The following NTRK3 variants were observed in gnomAD, a reference collection of about 807,000 sequenced individuals.
NTRK3 encodes the protein neurotrophic receptor tyrosine kinase 3.
Under a neutral mutation model 91.7 loss-of-function variants are expected in NTRK3, and 24 were observed. The ratio of observed to expected loss-of-function variants is 0.26; its 90% CI spans 0.19 to 0.37. NTRK3 has a LOEUF of 0.37. Among genes scored for constraint, NTRK3 ranks in the 10% least tolerant of loss-of-function variants. NTRK3 has a pLI of 1.00. For missense variants in NTRK3, 880 were observed against 1,068.9 expected, an observed-to-expected ratio of 0.82 and a Z score of 2.46; for synonymous variants, 483 against 404.0, an observed-to-expected ratio of 1.20 and a Z score of -2.34.
intron 3 of NTRK3, among the ~76,000 whole-genome samples, chr15:88,254,157 C>T (rs930342637): frequency 3.3e-5 from 5 of 152,170 alleles, no homozygotes; most frequent in Non-Finnish European, 7.4e-5. Flanking sequence ...AGCACCAAGA[C>T]TGGCTGCTCA....
intron 13 of NTRK3, among the ~76,000 whole-genome samples, chr15:88,078,604 C>T (rs1472457611): frequency 4.6e-5 from 7 of 152,148 alleles, no homozygotes; most frequent in Admixed American, 3.3e-4. Flanking sequence ...GAGCCAAGAT[C>T]GCACCATTGC....
chr15:87,870,181 TAC>T (rs58874538), exon 19 of NTRK3: 24,483 of 165,994 alleles, frequency 0.15, 854 homozygotes, highest in East Asian at 0.23. Flanking sequence ...GAAACTGTGG[TAC>T]ACACACACAC....
At chr15:88,013,238 G>T (rs1295842304) in intron 14 of NTRK3, among the ~76,000 whole-genome samples, 1 of 152,170 alleles carries the variant, frequency 6.6e-6, no homozygotes, top group Non-Finnish European at 1.5e-5. Context: ...AGGTGAAACC[G>T]TGCACTGGTA....
At chr15:88,032,630 G>A (rs923566774) in intron 14 of NTRK3, among the ~76,000 whole-genome samples, 1 of 152,118 alleles carries the variant, frequency 6.6e-6, no homozygotes, top group African/African-American at 2.4e-5. Flanking sequence ...AGAAAAAAGG[G>A]AAGCAGATTC....
At position 88,033,212 on chromosome 15, in the gene NTRK3, AT is replaced by A. The variant is rs1392108535; in HGVS notation, c.1397-168del. Among the ~76,000 whole-genome samples the A allele has an allele frequency of 1.2e-4, 15 of 127,104 alleles. 1 individual carries two copies. Among genetic ancestry groups the A allele is most frequent in the Non-Finnish European group, 2.3e-4 (14 of 60,586 alleles). 83.4% of individuals were successfully genotyped at this position (127,104 alleles called of 152,430 possible). A position where few individuals can be genotyped will look rare whatever the true frequency, so the allele number is the denominator to read the frequency against. ...TATATATATATATATATATATATAT[AT>A]ATAAATTCAGTTGTTTGGGTTTCTG... is the stretch of plus-strand genomic sequence containing the variant. On this transcript the variant is annotated intron_variant, in intron 13 of 18. Transcript: ENST00000394480.
chr15:88,219,893 G>T (rs989890356), intron 3 of NTRK3, among the ~76,000 whole-genome samples: 1 of 152,130 alleles, frequency 6.6e-6, no homozygotes, highest in Non-Finnish European at 1.5e-5. Context: ...CTGCAAAATG[G>T]CTTGCCCAAG....
chr15:88,029,236 G>A (rs967396336), intron 14 of NTRK3, among the ~76,000 whole-genome samples: 1 of 152,222 alleles, frequency 6.6e-6, no homozygotes, highest in African/African-American at 2.4e-5. Flanking sequence ...TCCCTGGAAA[G>A]GCTAAATAAA....
chr15:88,132,542 A>G (rs1440828274), intron 10 of NTRK3, among the ~76,000 whole-genome samples: 1 of 152,222 alleles, frequency 6.6e-6, no homozygotes, highest in Non-Finnish European at 1.5e-5. Flanking sequence ...GTCTGATTTC[A>G]GACTGCCTGC....
chr15:88,093,659 T>C (rs1474914840), intron 13 of NTRK3, among the ~76,000 whole-genome samples: 4 of 152,164 alleles, frequency 2.6e-5, no homozygotes, highest in Admixed American at 1.3e-4. Flanking sequence ...TGTGGTCTGA[T>C]CCCTGAATCA....
chr15:87,980,890 G>A (rs560263833), intron 14 of NTRK3, among the ~76,000 whole-genome samples: 1 of 152,070 alleles, frequency 6.6e-6, no homozygotes, highest in Non-Finnish European at 1.5e-5. Flanking sequence ...CCTGACCCCA[G>A]ATAAAGGTTA....
At chr15:88,244,268 C>G (rs1049705922) in intron 3 of NTRK3, among the ~76,000 whole-genome samples, 1 of 152,186 alleles carries the variant, frequency 6.6e-6, no homozygotes, top group Admixed American at 6.5e-5. Context: ...CTATCATGTT[C>G]CAGATGCTGT....
At chr15:88,008,112 A>T (rs2076619289) in intron 14 of NTRK3, among the ~76,000 whole-genome samples, 1 of 152,148 alleles carries the variant, frequency 6.6e-6, no homozygotes, top group South Asian at 2.1e-4. Context: ...AACTAAAATT[A>T]ATTTGGGTTG....
intron 12 of NTRK3, 91 bp downstream of exon 12, chr15:88,127,071 A>G (rs1428275275): frequency 8.8e-7 from 1 of 1,133,830 alleles, no homozygotes; most frequent in East Asian, 2.4e-5. Flanking sequence ...AGTTTCAAGT[A>G]AGATAATATT....
chr15:88,131,917 G>A (rs934732005), intron 10 of NTRK3: 9 of 196,690 alleles, frequency 4.6e-5, no homozygotes, highest in East Asian at 1.6e-4. Flanking sequence ...AGGCTGGGAG[G>A]AGCGCTTGTC....
chr15:88,254,854 T>C (rs1340478408), intron 3 of NTRK3, among the ~76,000 whole-genome samples: 2 of 152,154 alleles, frequency 1.3e-5, no homozygotes, highest in Non-Finnish European at 2.9e-5. Context: ...AATTCCAGTA[T>C]GGTCCACACC....
intron 17 of NTRK3, among the ~76,000 whole-genome samples, chr15:87,901,082 A>T (rs1596157864): frequency 1.3e-5 from 2 of 152,048 alleles, no homozygotes; most frequent in Admixed American, 6.5e-5. Flanking sequence ...GATGAAAGAG[A>T]TGGAGGAGCT....
intron 3 of NTRK3, among the ~76,000 whole-genome samples, chr15:88,192,072 T>C (rs1246871489): frequency 6.6e-6 from 1 of 152,186 alleles, no homozygotes; most frequent in Non-Finnish European, 1.5e-5. Context: ...AAAGGAACAT[T>C]CAGATCATGC....
rs150648306 is a variant in NTRK3, at chr15:88,093,139, A to G, written c.1396+33132T>C. On this transcript the variant is annotated intron_variant, in intron 13 of 18. Transcript: ENST00000394480. ...ACCACAGAAGGTAAAACCAAGTGTC[A>G]TTTTTACCTCAACGTAAACATGAAT... Among the ~76,000 whole-genome samples, 757 of 148,186 alleles carry G rather than the reference A, an allele frequency of 5.1e-3. 5 individuals carry two copies. Among genetic ancestry groups the G allele is most frequent in the East Asian group, 0.029 (144 of 5,024 alleles).
chr15:88,170,622 G>C (rs1380688252), intron 5 of NTRK3, among the ~76,000 whole-genome samples: 3 of 152,150 alleles, frequency 2.0e-5, no homozygotes, highest in East Asian at 3.9e-4. Flanking sequence ...AAGAGAACAG[G>C]TCTGCACTCT....
Sources: allele counts gnomAD v4.1 joint callset (sites outside exome capture counted in the v4.1 genomes callset), GRCh38; gene constraint gnomAD v4.1.1; transcripts MANE v1.5; gene names NCBI Gene and HGNC (gene_info 2026-07-23, HGNC 2026-07-21).